Variants in CAMKMT observed in about 807,000 individuals in gnomAD.
CAMKMT encodes calmodulin-lysine N-methyltransferase.
Under a neutral mutation model 48.0 loss-of-function variants are expected in CAMKMT, and 53 were observed. That is an observed-to-expected ratio of 1.10 (90% CI 0.89 to 1.39). CAMKMT has a LOEUF of 1.39. Ranked by LOEUF, CAMKMT falls within the 40% of genes most tolerant of loss-of-function variation. The pLI, the probability that CAMKMT is intolerant of heterozygous loss-of-function variation, is 0.00. For synonymous variants in CAMKMT, 165 were observed against 152.3 expected (o/e 1.08, Z -0.61); for missense variants, 428 against 402.7 (o/e 1.06, Z -0.54).
chr2:44,398,563 T>G lies in CAMKMT; in HGVS notation c.376+8258T>G, dbSNP rs900823855. 6.4e-4 allele frequency among the ~76,000 whole-genome samples: 66 copies of G among 102,600 alleles called. 1 individual carries two copies. The highest frequency in any genetic ancestry group is 6.2e-3 in the Middle Eastern group (1 of 162). 67.3% of individuals were successfully genotyped at this position (102,600 alleles called of 152,430 possible). Reference sequence around the variant, plus strand: ...TTCAGTTTCTTTCTTTTTTCTTTTCTTTTCTTTTTTTTTTTTTTTGAGAAG... The same window carrying G: ...TTCAGTTTCTTTCTTTTTTCTTTTCGTTTCTTTTTTTTTTTTTTTGAGAAG... On this transcript the variant is annotated intron_variant, in intron 3 of 10. Transcript: ENST00000378494.
rs114269595 is a variant in CAMKMT, at chr2:44,704,832, A to T, written c.437+489A>T. Among the ~76,000 whole-genome samples the T allele has an allele frequency of 8.8e-3, 1,333 of 152,174 alleles. 25 individuals carry two copies. The highest frequency in any genetic ancestry group is 0.03 in the African/African-American group (1,229 of 41,496). On this transcript the variant is annotated intron_variant, in intron 4 of 10. Transcript: ENST00000378494. ...TAAAGGTAGTTTTATATATCTAACA[A>T]TATGTATTTGTGAACTATAAATTAC...
At chr2:44,386,107 AC>A (rs1158396317) in intron 2 of CAMKMT, among the ~76,000 whole-genome samples, 1 of 151,858 alleles carries the variant, frequency 6.6e-6, no homozygotes, top group Non-Finnish European at 1.5e-5. Flanking sequence ...CTGGTCCTGG[AC>A]TTTTTTTTGT....
intron 3 of CAMKMT, among the ~76,000 whole-genome samples, chr2:44,518,503 A>G (rs1294292859): frequency 2.0e-5 from 3 of 152,224 alleles, no homozygotes; most frequent in Non-Finnish European, 2.9e-5. Flanking sequence ...AATCTACTGT[A>G]TATTCTTACA....
chr2:44,538,530 C>G (rs1205588672), intron 3 of CAMKMT, among the ~76,000 whole-genome samples: 1 of 151,888 alleles, frequency 6.6e-6, no homozygotes, highest in Non-Finnish European at 1.5e-5. Context: ...GAATGGAAAA[C>G]CAAATATGGT....
At chr2:44,731,915 T>G (rs768062778) in intron 7 of CAMKMT, among the ~76,000 whole-genome samples, 2 of 152,324 alleles carry the variant, frequency 1.3e-5, no homozygotes, top group South Asian at 4.1e-4. Flanking sequence ...CCTGTTAAAC[T>G]TCATAGGTTT....
At chr2:44,368,317 C>G (rs953862816) in intron 1 of CAMKMT, among the ~76,000 whole-genome samples, 7 of 152,100 alleles carry the variant, frequency 4.6e-5, no homozygotes, top group African/African-American at 1.7e-4. Context: ...TTGAGCATCC[C>G]TTCAGTTCAT....
chr2:44,601,336 A>T (rs1670974570), intron 3 of CAMKMT, among the ~76,000 whole-genome samples: 1 of 152,028 alleles, frequency 6.6e-6, no homozygotes, highest in Admixed American at 6.6e-5. Flanking sequence ...CATGCCTCTA[A>T]TTCCAGCTAC....
chr2:44,765,056 C>T (rs1340726562), intron 9 of CAMKMT, among the ~76,000 whole-genome samples: 12 of 151,788 alleles, frequency 7.9e-5, no homozygotes, highest in African/African-American at 2.4e-4. Context: ...AACCCCATCT[C>T]GACTAAAAAT....
At chr2:44,486,136 T>C (rs1669205992) in intron 3 of CAMKMT, among the ~76,000 whole-genome samples, 2 of 152,098 alleles carry the variant, frequency 1.3e-5, no homozygotes, top group Admixed American at 1.3e-4. Flanking sequence ...GGCTAATCTT[T>C]GTATTTTTTT....
At chr2:44,659,198 A>AAGC (rs1674543416) in intron 3 of CAMKMT, among the ~76,000 whole-genome samples, 1 of 149,918 alleles carries the variant, frequency 6.7e-6, no homozygotes, top group Non-Finnish European at 1.5e-5. Context: ...AGGCAGGAGG[A>AAGC]TTTCTTGAGC....
rs1038420793 is a variant in CAMKMT at position 44,491,845 on chromosome 2, T to A, written c.376+101540T>A. Among the ~76,000 whole-genome samples the A allele has an allele frequency of 3.9e-5, 6 of 152,226 alleles. No individual in the cohort carries two copies. The East Asian group carries it at 1.2e-3, about 29-fold the overall frequency. ...TTGAGAATATAGCATTCTTTGAAGG[T>A]ATCAACAAATTTATAAGAAAAGTTT... On this transcript the variant is annotated intron_variant, in intron 3 of 10. Coordinates refer to ENST00000378494, the MANE Select transcript of CAMKMT (RefSeq NM_024766.5).
chr2:44,656,498 G>A (rs1674385205), intron 3 of CAMKMT, among the ~76,000 whole-genome samples: 1 of 152,176 alleles, frequency 6.6e-6, no homozygotes, highest in African/African-American at 2.4e-5. Context: ...TTATAAGAGT[G>A]TGGATAATAA....
chr2:44,610,926 G>A (rs529546669), intron 3 of CAMKMT, among the ~76,000 whole-genome samples: 2 of 152,196 alleles, frequency 1.3e-5, no homozygotes, highest in East Asian at 3.9e-4. Flanking sequence ...GAATGGAAGG[G>A]CTTAAAGCTA....
chr2:44,602,036 C>T (rs971000731), intron 3 of CAMKMT, among the ~76,000 whole-genome samples: 17 of 151,956 alleles, frequency 1.1e-4, no homozygotes, highest in Admixed American at 6.6e-5. Flanking sequence ...GACAGGGTCT[C>T]ACTCTGTCAC....
intron 3 of CAMKMT, among the ~76,000 whole-genome samples, chr2:44,661,387 C>T (rs1573015841): frequency 1.4e-5 from 2 of 140,874 alleles, no homozygotes; most frequent in Non-Finnish European, 3.0e-5. Flanking sequence ...ATGATCTCAG[C>T]TCAGTGCTAC....
intron 2 of CAMKMT, among the ~76,000 whole-genome samples, chr2:44,388,221 T>C (rs1680966059): frequency 1.3e-5 from 2 of 152,120 alleles, no homozygotes; most frequent in African/African-American, 2.4e-5. Flanking sequence ...CTTTTTCTCT[T>C]TGTTGGATTG....
intron 3 of CAMKMT, among the ~76,000 whole-genome samples, chr2:44,637,195 AAT>A: frequency 6.6e-6 from 1 of 152,344 alleles, no homozygotes; most frequent in South Asian, 2.1e-4. Flanking sequence ...ATTATTTTAG[AAT>A]ACTTTGTTAG....
In CAMKMT at chr2:44,691,598, C is replaced by G. The variant is rs191726711; in HGVS notation, c.377-12685C>G. ...TTCATTTCTCCTGCTTCCACATGCT[C>G]CTTATCTGCCCTTCTCTCAGCTCAG... On this transcript the variant is annotated intron_variant, in intron 3 of 10. Transcript: ENST00000378494. Among the ~76,000 whole-genome samples the G allele has an allele frequency of 4.4e-4, 67 of 152,288 alleles. 1 individual carries two copies. The highest frequency in any genetic ancestry group is 3.4e-3 in the Admixed American group (52 of 15,298).
intron 3 of CAMKMT, chr2:44,549,584 G>A: frequency 1.5e-6 from 1 of 689,176 alleles, no homozygotes; most frequent in East Asian, 2.7e-5. Flanking sequence ...TGCCCAGGCT[G>A]GAGTGCAGTG....
Sources: allele counts gnomAD v4.1 joint callset (sites outside exome capture counted in the v4.1 genomes callset), GRCh38; gene constraint gnomAD v4.1.1; transcripts MANE v1.5; gene names NCBI Gene and HGNC (gene_info 2026-07-23, HGNC 2026-07-21).